Variants in KCNAB1 observed in about 807,000 individuals in gnomAD.
KCNAB1 encodes the protein voltage-gated potassium channel subunit beta-1.
A neutral mutation model predicts 64.6 loss-of-function variants in KCNAB1; 35 were observed. That is an observed-to-expected ratio of 0.54 (90% CI 0.41 to 0.72). KCNAB1 has a LOEUF of 0.72. Among genes scored for constraint, KCNAB1 ranks in the 30% least tolerant of loss-of-function variants. KCNAB1 has a pLI of 0.00. For missense variants in KCNAB1, 401 were observed against 512.9 expected, an observed-to-expected ratio of 0.78 and a Z score of 2.11; for synonymous variants, 177 against 183.8, an observed-to-expected ratio of 0.96 and a Z score of 0.30.
intron 1 of KCNAB1, among the ~76,000 whole-genome samples, chr3:156,257,842 G>A (rs542472352): frequency 6.6e-6 from 1 of 152,260 alleles, no homozygotes; most frequent in African/African-American, 2.4e-5. Flanking sequence ...GAGTTGTACA[G>A]TTATTAAGCC....
At chr3:156,520,008 T>C (rs990437786) in intron 11 of KCNAB1, among the ~76,000 whole-genome samples, 2 of 152,120 alleles carry the variant, frequency 1.3e-5, no homozygotes, top group African/African-American at 4.8e-5. Context: ...AAGGAAATCA[T>C]TGACAGGAGT....
chr3:156,381,062 G>A (rs372911309), intron 1 of KCNAB1, among the ~76,000 whole-genome samples: 11 of 152,092 alleles, frequency 7.2e-5, no homozygotes, highest in Admixed American at 1.3e-4. Context: ...CACTGTAAGC[G>A]TATATCAAAG....
intron 2 of KCNAB1, among the ~76,000 whole-genome samples, chr3:156,450,369 T>C (rs565265998): frequency 6.6e-6 from 1 of 152,356 alleles, no homozygotes; most frequent in East Asian, 1.9e-4. Context: ...CTGAAGTTCC[T>C]TGACCCCTTC....
In KCNAB1 at chr3:156,509,855, G is replaced by T. The variant is rs1006758003; in HGVS notation, c.659-4509G>T. On this transcript the variant is annotated intron_variant, in intron 8 of 13. Transcript: ENST00000490337. ...GCATCTCCATGTTATGCACTTAACA[G>T]TATCTAGAAGACAGTTGATTTTTCC... Among the ~76,000 whole-genome samples, 2 of 152,176 alleles carry T rather than the reference G, an allele frequency of 1.3e-5. 1 individual carries two copies. The highest frequency in any genetic ancestry group is 4.1e-4 in the South Asian group (2 of 4,826).
chr3:156,404,844 C>A (rs985144600), intron 1 of KCNAB1, among the ~76,000 whole-genome samples: 3 of 152,130 alleles, frequency 2.0e-5, no homozygotes, highest in African/African-American at 7.2e-5. Context: ...GGGAGAGTGG[C>A]CAGAAATTAC....
At chr3:156,205,697 G>T (rs1324089179) in intron 1 of KCNAB1, among the ~76,000 whole-genome samples, 1 of 152,174 alleles carries the variant, frequency 6.6e-6, no homozygotes, top group Non-Finnish European at 1.5e-5. Flanking sequence ...AAATTCAGTG[G>T]CCTCTGAAGA....
chr3:156,425,689 G>C (rs75856412), intron 2 of KCNAB1, among the ~76,000 whole-genome samples: 5,358 of 152,268 alleles, frequency 0.035, 118 homozygotes, highest in Middle Eastern at 0.075. Context: ...TATGAAGCCA[G>C]ACATTGGTTA....
At chr3:156,530,899 C>T (rs1718658840) in intron 12 of KCNAB1, among the ~76,000 whole-genome samples, 2 of 152,148 alleles carry the variant, frequency 1.3e-5, no homozygotes, top group Non-Finnish European at 2.9e-5. Context: ...ATCCAGCCAT[C>T]TGCTGGTGAG....
chr3:156,381,910 ACT>A (rs1423102957), intron 1 of KCNAB1, among the ~76,000 whole-genome samples: 1 of 152,098 alleles, frequency 6.6e-6, no homozygotes, highest in African/African-American at 2.4e-5. Context: ...CATTATATTT[ACT>A]CTTTTAGCTG....
At chr3:156,307,548 T>G (rs929000571) in intron 1 of KCNAB1, among the ~76,000 whole-genome samples, 1 of 152,124 alleles carries the variant, frequency 6.6e-6, no homozygotes, top group Admixed American at 6.6e-5. Context: ...CAGGGCCAAC[T>G]GTAAAAAGAA....
At chr3:156,161,230 G>C (rs1193272397) in intron 1 of KCNAB1, among the ~76,000 whole-genome samples, 2 of 152,122 alleles carry the variant, frequency 1.3e-5, no homozygotes, top group Non-Finnish European at 2.9e-5. Context: ...GGGCCCAGTG[G>C]GGGTAGGCCT....
At chr3:156,371,394 A>C (rs1307267813) in intron 1 of KCNAB1, among the ~76,000 whole-genome samples, 1 of 152,164 alleles carries the variant, frequency 6.6e-6, no homozygotes, top group Non-Finnish European at 1.5e-5. Flanking sequence ...AGTTCAACAA[A>C]TGTTTGCTTC....
chr3:156,133,375 A>T (rs1272808083), intron 1 of KCNAB1, among the ~76,000 whole-genome samples: 1 of 152,264 alleles, frequency 6.6e-6, no homozygotes, highest in Non-Finnish European at 1.5e-5. Context: ...GTGTTTTAAA[A>T]GTATTTTCAG....
chr3:156,442,064 T>C (rs1262748912), intron 2 of KCNAB1, among the ~76,000 whole-genome samples: 1 of 152,204 alleles, frequency 6.6e-6, no homozygotes, highest in African/African-American at 2.4e-5. Flanking sequence ...CTAAAGACTT[T>C]TTGGCTTTAT....
chr3:156,142,649 C>T (rs1254771751), intron 1 of KCNAB1, among the ~76,000 whole-genome samples: 3 of 152,198 alleles, frequency 2.0e-5, no homozygotes, highest in Non-Finnish European at 1.5e-5. Context: ...TTGACAGCAA[C>T]ATCTGAAAGA....
At chr3:156,421,058 G>A (rs1715435616) in intron 1 of KCNAB1, among the ~76,000 whole-genome samples, 1 of 150,890 alleles carries the variant, frequency 6.6e-6, no homozygotes, top group African/African-American at 2.4e-5. Context: ...TTTTATATTT[G>A]TTATTTTAAT....
chr3:156,508,679 C>A lies in KCNAB1; in HGVS notation c.659-5685C>A, dbSNP rs17431517. ...AAGTTATTCTACACCCATTATCCCA[C>A]GTCAAGCTTTGAAAGAATTTCACAA... On this transcript the variant is annotated intron_variant, in intron 8 of 13. Transcript: ENST00000490337. This position sits in a 1 kb window ranked among gnomAD's most constrained non-coding sequence, Gnocchi z 4.1. Among the ~76,000 whole-genome samples the A allele has an allele frequency of 0.22, 32,780 of 152,086 alleles. 3,621 individuals are homozygous for A. The highest frequency in any genetic ancestry group is 0.25 in the Middle Eastern group (74 of 292).
chr3:156,262,713 TG>T (rs1182779079), intron 1 of KCNAB1, among the ~76,000 whole-genome samples: 3 of 151,924 alleles, frequency 2.0e-5, no homozygotes, highest in Non-Finnish European at 2.9e-5. Context: ...TTCCTTCTTC[TG>T]TTTTCCAAAA....
rs192829032 is a variant in KCNAB1 at position 156,252,185 on chromosome 3, A to G, written c.275+131299A>G. 9.2e-5 allele frequency among the ~76,000 whole-genome samples: 14 copies of G among 152,386 alleles called. No homozygotes were observed. In the East Asian group the frequency reaches 2.7e-3, roughly 29 times the overall value. Reference sequence around the variant, plus strand: ...ACAGACATTGGGATATTGCCTTGGCATCTCTGATGCAGGAAACATGTGCTC... The same window carrying G: ...ACAGACATTGGGATATTGCCTTGGCGTCTCTGATGCAGGAAACATGTGCTC... On this transcript the variant is annotated intron_variant, in intron 1 of 13. Coordinates refer to ENST00000490337, the MANE Select transcript of KCNAB1 (RefSeq NM_172160.3).
Sources: allele counts gnomAD v4.1 joint callset (sites outside exome capture counted in the v4.1 genomes callset), GRCh38; gene constraint gnomAD v4.1.1; non-coding constraint Gnocchi (gnomAD v3.1); transcripts MANE v1.5; gene names NCBI Gene and HGNC (gene_info 2026-07-23, HGNC 2026-07-21).